EBF1: variants seen among roughly 807,000 people sequenced by gnomAD.
The protein encoded by EBF1 is EBF transcription factor 1.
A neutral mutation model predicts 68.4 loss-of-function variants in EBF1; 10 were observed. The observed-to-expected ratio is 0.15, with a 90% CI of 0.09 to 0.25. EBF1 has a LOEUF of 0.25. Among genes scored for constraint, EBF1 ranks in the 10% least tolerant of loss-of-function variants. The pLI, the probability that EBF1 is intolerant of heterozygous loss-of-function variation, is 1.00. For synonymous variants in EBF1, 298 were observed against 299.8 expected, an observed-to-expected ratio of 0.99 and a Z score of 0.06; for missense variants, 509 against 794.4, an observed-to-expected ratio of 0.64 and a Z score of 4.32.
intron 8 of EBF1, among the ~76,000 whole-genome samples, chr5:158,801,109 G>T (rs1483825540): frequency 1.3e-5 from 2 of 151,958 alleles, no homozygotes. Context: ...AGCCACGAAA[G>T]TAGAGGAGAT....
chr5:158,773,079 G>A (rs1028681053), intron 10 of EBF1, among the ~76,000 whole-genome samples: 3 of 152,018 alleles, frequency 2.0e-5, no homozygotes, highest in Admixed American at 1.3e-4. Context: ...CCCCTTAGGA[G>A]GGAGGGAGGA....
intron 9 of EBF1, among the ~76,000 whole-genome samples, chr5:158,786,571 T>A (rs1025854887): frequency 6.6e-6 from 1 of 152,032 alleles, no homozygotes; most frequent in African/African-American, 2.4e-5. Context: ...AAGGAGAGCA[T>A]CAGACACCAG....
At chr5:158,744,001 T>C (rs1766998910) in intron 10 of EBF1, among the ~76,000 whole-genome samples, 1 of 151,948 alleles carries the variant, frequency 6.6e-6, no homozygotes, top group African/African-American at 2.4e-5. Flanking sequence ...TGAAACTCCG[T>C]CTCTACTAAA....
intron 6 of EBF1, among the ~76,000 whole-genome samples, chr5:158,913,617 A>G (rs1806485456): frequency 6.6e-6 from 1 of 152,140 alleles, no homozygotes; most frequent in East Asian, 1.9e-4. Context: ...ACCAGTTGTG[A>G]TTTATGTATT....
chr5:158,982,778 A>G (rs1026676799), intron 6 of EBF1, among the ~76,000 whole-genome samples: 2 of 138,644 alleles, frequency 1.4e-5, no homozygotes, highest in African/African-American at 5.1e-5. Context: ...TTAAAGCAAA[A>G]GATATATATA....
At chr5:158,903,178 G>T (rs1803816361) in intron 6 of EBF1, among the ~76,000 whole-genome samples, 1 of 152,190 alleles carries the variant, frequency 6.6e-6, no homozygotes, top group Admixed American at 6.5e-5. Flanking sequence ...GCATTGGATT[G>T]TGATTATAAT....
chr5:159,050,600 G>A lies in EBF1; in HGVS notation c.554+22796C>T, dbSNP rs79561988. Among the ~76,000 whole-genome samples the A allele has an allele frequency of 6.0e-3, 910 of 152,282 alleles. 10 individuals are homozygous for A. The highest frequency in any genetic ancestry group is 0.021 in the African/African-American group (866 of 41,542). On this transcript the variant is annotated intron_variant, in intron 6 of 15. Coordinates refer to ENST00000313708, the MANE Select transcript of EBF1 (RefSeq NM_024007.5). ...ATAGCTCTCAGAACTTTGGTCAACT[G>A]TGCTAGGCCACCAGTTACTTTCTGC...
At chr5:158,790,745 A>G (rs1376068972) in intron 9 of EBF1, among the ~76,000 whole-genome samples, 1 of 152,208 alleles carries the variant, frequency 6.6e-6, no homozygotes, top group East Asian at 1.9e-4. Flanking sequence ...GAATTAGGCC[A>G]ACACTGTGGC....
intron 6 of EBF1, among the ~76,000 whole-genome samples, chr5:158,917,164 T>C (rs1807379811): frequency 6.6e-6 from 1 of 152,168 alleles, no homozygotes; most frequent in Non-Finnish European, 1.5e-5. Context: ...CCAATGATGT[T>C]CTTAGTTATT....
intron 7 of EBF1, among the ~76,000 whole-genome samples, chr5:158,839,078 A>G (rs1431722021): frequency 6.6e-6 from 1 of 152,240 alleles, no homozygotes; most frequent in Admixed American, 6.5e-5. Context: ...CACCACGTCT[A>G]GACTCAACAA....
At chr5:158,988,231 C>G (rs962937448) in intron 6 of EBF1, among the ~76,000 whole-genome samples, 3 of 152,018 alleles carry the variant, frequency 2.0e-5, no homozygotes, top group Admixed American at 6.6e-5. Context: ...CTGCCCAGTG[C>G]CCCCCCTTCT....
chr5:158,860,767 C>T (rs778394847), intron 6 of EBF1, among the ~76,000 whole-genome samples: 3 of 152,202 alleles, frequency 2.0e-5, no homozygotes, highest in Non-Finnish European at 2.9e-5. Flanking sequence ...AAGCCCATGG[C>T]GCATCTTGCG....
intron 10 of EBF1, among the ~76,000 whole-genome samples, chr5:158,739,589 A>G (rs533175562): frequency 5.0e-4 from 76 of 152,318 alleles, no homozygotes; most frequent in Non-Finnish European, 9.0e-4. Flanking sequence ...GCTCCTTTAA[A>G]TGAGAAGAGA....
In EBF1 at chr5:158,698,421, C is replaced by T. The variant is rs1025891343; in HGVS notation, c.*690G>A. ...GAGGGAAAAATGTGATCACTTACAT[C>T]GCGTTTTAACTTTCCAGGCTGCATT... On this transcript the variant is annotated 3_prime_UTR_variant, in exon 16 of 16. Coordinates refer to ENST00000313708, the MANE Select transcript of EBF1 (RefSeq NM_024007.5). 21 of 223,024 alleles carry T rather than the reference C, an allele frequency of 9.4e-5. No individual in the cohort carries two copies. The highest frequency in any genetic ancestry group is 1.6e-4 in the African/African-American group (7 of 44,854). 13.8% of individuals were successfully genotyped at this position (223,024 alleles called of 1,614,324 possible).
intron 6 of EBF1, among the ~76,000 whole-genome samples, chr5:158,902,977 C>T (rs945817709): frequency 5.3e-5 from 8 of 152,204 alleles, no homozygotes; most frequent in Non-Finnish European, 1.0e-4. Flanking sequence ...TTAAGAACAA[C>T]ATCTAGCAGG....
intron 6 of EBF1, among the ~76,000 whole-genome samples, chr5:159,040,213 G>T (rs1770907627): frequency 6.6e-6 from 1 of 152,162 alleles, no homozygotes; most frequent in South Asian, 2.1e-4. Flanking sequence ...ACTGGGCTTA[G>T]AAAATGCTGC....
chr5:158,832,064 G>T (rs1787706587), intron 7 of EBF1, among the ~76,000 whole-genome samples: 1 of 152,184 alleles, frequency 6.6e-6, no homozygotes, highest in Non-Finnish European at 1.5e-5. Flanking sequence ...CTTAAAAAGT[G>T]GAAGAATATA....
At chr5:158,941,923 C>T (rs1320448901) in intron 6 of EBF1, among the ~76,000 whole-genome samples, 1 of 152,162 alleles carries the variant, frequency 6.6e-6, no homozygotes, top group African/African-American at 2.4e-5. Context: ...GATCAGTAAA[C>T]AAAAGCCTTG....
intron 8 of EBF1, among the ~76,000 whole-genome samples, chr5:158,821,392 T>C (rs1784795855): frequency 6.6e-6 from 1 of 152,172 alleles, no homozygotes; most frequent in Admixed American, 6.5e-5. Flanking sequence ...CTTTTGGTTT[T>C]TGTTGGAGGG....
Sources: allele counts gnomAD v4.1 joint callset (sites outside exome capture counted in the v4.1 genomes callset), GRCh38; gene constraint gnomAD v4.1.1; transcripts MANE v1.5; gene names NCBI Gene and HGNC (gene_info 2026-07-23, HGNC 2026-07-21).